TRIM45: variants seen among roughly 807,000 people sequenced by gnomAD.
TRIM45 encodes tripartite motif containing 45.
Under a neutral mutation model 46.7 loss-of-function variants are expected in TRIM45, and 45 were observed. The observed-to-expected ratio is 0.96, with a 90% CI of 0.76 to 1.24. The LOEUF (loss-of-function observed/expected upper bound fraction) is 1.24, where lower values mean the gene tolerates loss of function less well. TRIM45 is among the 50% of genes most tolerant of loss of function. The pLI, the probability that TRIM45 is intolerant of heterozygous loss-of-function variation, is 0.00. For missense variants in TRIM45, 680 were observed against 728.4 expected, an observed-to-expected ratio of 0.93 and a Z score of 0.77; for synonymous variants, 259 against 285.8, an observed-to-expected ratio of 0.91 and a Z score of 0.94.
rs1483252773 is a variant in TRIM45, at chr1:117,115,317, A to C, written c.1467+258T>G. Among the ~76,000 whole-genome samples, 1 of 152,188 alleles carries C rather than the reference A, an allele frequency of 6.6e-6. No individual in the cohort carries two copies. Among genetic ancestry groups the C allele is most frequent in the Non-Finnish European group, 1.5e-5 (1 of 68,024 alleles). ...TCAAGACATCTTCTCCATATTAAGA[A>C]TCCTAAGAAACCAACTGGGAGAATG... is the stretch of plus-strand genomic sequence containing the variant. On this transcript the variant is annotated intron_variant, in intron 4 of 5. Transcript: ENST00000256649. This position sits in a 1 kb window ranked among gnomAD's most constrained non-coding sequence, Gnocchi z 4.2.
At chr1:117,123,053 AAAAAC>A (rs1354457401), upstream of TRIM45, among the ~76,000 whole-genome samples, 1 of 151,956 alleles carries the variant, frequency 6.6e-6, no homozygotes, top group Non-Finnish European at 1.5e-5. Flanking sequence ...AAAAAAAAAA[AAAAAC>A]CATTATAAAA....
In TRIM45 at chr1:117,121,471, T is replaced by C. The variant is rs1650630935; in HGVS notation, c.-270A>G. 2 of 514,024 alleles carry C rather than the reference T, an allele frequency of 3.9e-6. No individual in the cohort carries two copies. Among genetic ancestry groups the C allele is most frequent in the Non-Finnish European group, 6.8e-6 (2 of 293,468 alleles). 31.8% of individuals were successfully genotyped at this position (514,024 alleles called of 1,614,324 possible). ...CTCTGCCCCGCAAGTCCTCCCCGGA[T>C]GCGCTTCCAGGTCTAGCTCTCCAGC... On this transcript the variant is annotated 5_prime_UTR_variant, in exon 1 of 6. Coordinates refer to ENST00000256649, the MANE Select transcript of TRIM45 (RefSeq NM_025188.4). This position sits in a 1 kb window ranked among gnomAD's most constrained non-coding sequence, Gnocchi z 4.2.
At position 117,113,318 on chromosome 1, in the gene TRIM45, C is replaced by T. The variant is rs752386491; in HGVS notation, c.1594+41G>A. 7 of 1,604,978 alleles carry T rather than the reference C, an allele frequency of 4.4e-6. No individual in the cohort carries two copies. In the South Asian group the frequency reaches 6.6e-5, roughly 15 times the overall value. ...GGAAGGGCCCGTCGCTTGATTCCCA[C>T]TGCTGGCAGAAAGGCCCAGAGGGTA... is the stretch of plus-strand genomic sequence containing the variant. On this transcript the variant is annotated intron_variant, in intron 5 of 5. Coordinates refer to ENST00000256649, the MANE Select transcript of TRIM45 (RefSeq NM_025188.4). The surrounding 1 kb of genome is among the most constrained non-coding windows in gnomAD (Gnocchi z 4.0).
Position 117,112,242 on chromosome 1 carries a change from C to A in TRIM45, c.*63G>T. On this transcript the variant is annotated 3_prime_UTR_variant, in exon 6 of 6. Coordinates refer to ENST00000256649, the MANE Select transcript of TRIM45 (RefSeq NM_025188.4). ...CAGTCTCTTTAGAATGAACGAAGGT[C>A]TGGGTCCTCTGGAAATCTCAAGTGG... The A allele has an allele frequency of 6.9e-7, 1 of 1,444,828 alleles. No individual in the cohort carries two copies. The highest frequency in any genetic ancestry group is 9.1e-7 in the Non-Finnish European group (1 of 1,093,296). 89.5% of individuals were successfully genotyped at this position (1,444,828 alleles called of 1,614,324 possible).
At position 117,115,956 on chromosome 1, in the gene TRIM45, T is replaced by C. The variant is rs1238092314; in HGVS notation, c.1353-267A>G. 6.6e-6 allele frequency among the ~76,000 whole-genome samples: 1 copy of C among 152,238 alleles called. No homozygotes were observed. The highest frequency in any genetic ancestry group is 1.5e-5 in the Non-Finnish European group (1 of 68,046). Reference sequence around the variant, plus strand: ...GCTTCTGTTGAACCCTCTTGCTCTGTTGTCCCTCCTCCATTCTACAATTCC... The same window carrying C: ...GCTTCTGTTGAACCCTCTTGCTCTGCTGTCCCTCCTCCATTCTACAATTCC... On this transcript the variant is annotated intron_variant, in intron 3 of 5. Transcript: ENST00000256649. The surrounding 1 kb of genome is among the most constrained non-coding windows in gnomAD (Gnocchi z 4.2).
At position 117,118,416 on chromosome 1, in the gene TRIM45, G is replaced by C; in HGVS notation, c.840C>G (p.Phe280Leu). 3 of 1,614,132 alleles carry C rather than the reference G, an allele frequency of 1.9e-6. No homozygotes were observed. Among genetic ancestry groups the C allele is most frequent in the South Asian group, 2.2e-5 (2 of 91,064 alleles). ...CAATGGCCTTAATGTAGCCCTCCGA[G>C]AATGTCCGGACATCAGCTGCCACTG... is the stretch of plus-strand genomic sequence containing the variant. ...VEAVAADVRT[F>L]SEGYIKAIEE... The change falls in exon 2 of 6, where the codon TTC (phenylalanine) becomes TTG (leucine). Residue 280 changes from phenylalanine to leucine, a missense_variant. Phe to Leu is a conservative substitution (Grantham distance 22). This residue lies in a region of TRIM45 where 9 missense variants were observed against 25.6 expected (regional missense o/e 0.35). Transcript: ENST00000256649. This position sits in a 1 kb window ranked among gnomAD's most constrained non-coding sequence, Gnocchi z 5.7.
Position 117,118,097 on chromosome 1 carries a change from C to A in TRIM45, c.1159G>T (p.Glu387Ter), listed in dbSNP as rs928331122. 1.2e-6 allele frequency: 2 copies of A among 1,614,072 alleles called. No homozygotes were observed. The highest frequency in any genetic ancestry group is 2.7e-5 in the African/African-American group (2 of 74,932). ...QEKAGQCRGY[E>*]IYGTINTKEV... The stretch of plus-strand genomic sequence containing the variant: ...TTGGTATTAATCGTACCATAAATTT[C>A]ATAGCCACGGCACTGGCCTGCTTTC... Residue 387 changes from glutamate to a stop codon, truncating the protein, a stop_gained, in exon 2 of 6, where the codon GAA becomes TAA. Transcript: ENST00000256649. LOFTEE classifies it high-confidence loss of function. The surrounding 1 kb of genome is among the most constrained non-coding windows in gnomAD (Gnocchi z 5.7).
At position 117,117,934 on chromosome 1, in the gene TRIM45, G is replaced by C. The variant is rs1385760240; in HGVS notation, c.1222+100C>G. Reference sequence around the variant, plus strand: ...TTTATCTCCCCACCTTTGGTAACCTGGTCAGTAGGGCATGCTTCCTAGCAG... The same window carrying C: ...TTTATCTCCCCACCTTTGGTAACCTCGTCAGTAGGGCATGCTTCCTAGCAG... On this transcript the variant is annotated intron_variant, in intron 2 of 5. Coordinates refer to ENST00000256649, the MANE Select transcript of TRIM45 (RefSeq NM_025188.4). This position sits in a 1 kb window ranked among gnomAD's most constrained non-coding sequence, Gnocchi z 4.9. The C allele has an allele frequency of 2.1e-6, 3 of 1,454,770 alleles. No individual in the cohort carries two copies. The highest frequency in any genetic ancestry group is 2.0e-5 in the Admixed American group (1 of 49,220). The allele number at this position is 1,454,770 out of a possible 1,614,324, so 90.1% of individuals were successfully genotyped here.
rs766248177 is a variant in TRIM45, at chr1:117,118,312, G to A, written c.944C>T (p.Ala315Val). The change falls in exon 2 of 6, where the codon GCC becomes GTC. Residue 315 changes from alanine to valine, a missense_variant. Physicochemically the swap from Ala to Val is moderately conservative, Grantham distance 64. Coordinates refer to ENST00000256649, the MANE Select transcript of TRIM45 (RefSeq NM_025188.4). The surrounding 1 kb of genome is among the most constrained non-coding windows in gnomAD (Gnocchi z 5.7). Reference sequence around the variant, plus strand: ...GTCTGCCAGTAACTGTTCCAGCTGGGCCTTCTGCAGCTGCAGGGAATTTTC... The same window carrying A: ...GTCTGCCAGTAACTGTTCCAGCTGGACCTTCTGCAGCTGCAGGGAATTTTC... ...QKENSLQLQK[A>V]QLEQLLADMR... is the part of the protein sequence containing the mutation. 10 of 1,614,150 alleles carry A rather than the reference G, an allele frequency of 6.2e-6. No homozygotes were observed. Among genetic ancestry groups the A allele is most frequent in the South Asian group, 1.1e-5 (1 of 91,082 alleles).
rs79788159 is a variant in TRIM45, at chr1:117,115,453, T to C, written c.1467+122A>G. The stretch of plus-strand genomic sequence containing the variant: ...AGCAAAATCTGGGCTGTTTCTAAAG[T>C]GAAGAAGAAGACATGGGGATTCTAT... On this transcript the variant is annotated intron_variant, in intron 4 of 5. Coordinates refer to ENST00000256649, the MANE Select transcript of TRIM45 (RefSeq NM_025188.4). This position sits in a 1 kb window ranked among gnomAD's most constrained non-coding sequence, Gnocchi z 4.2. 18,724 of 713,966 alleles carry C rather than the reference T, an allele frequency of 0.026. 323 individuals are homozygous for C. The highest frequency in any genetic ancestry group is 0.036 in the Non-Finnish European group (14,827 of 417,436). The allele number at this position is 713,966 out of a possible 1,614,324, so 44.2% of individuals were successfully genotyped here. A position where few individuals can be genotyped will look rare whatever the true frequency, so the allele number is the denominator to read the frequency against.
Position 117,118,007 on chromosome 1 carries a change from C to A in TRIM45, c.1222+27G>T. 2 of 1,595,960 alleles carry A rather than the reference C, an allele frequency of 1.3e-6. No individual in the cohort carries two copies. Among genetic ancestry groups the A allele is most frequent in the South Asian group, 1.2e-5 (1 of 86,922 alleles). ...ACCACCTCCCTGTCCACTGCCCTCT[C>A]AATGTCAATGGGAAATGCCTTCCTA... is the stretch of plus-strand genomic sequence containing the variant. On this transcript the variant is annotated intron_variant, in intron 2 of 5. Coordinates refer to ENST00000256649, the MANE Select transcript of TRIM45 (RefSeq NM_025188.4). The surrounding 1 kb of genome is among the most constrained non-coding windows in gnomAD (Gnocchi z 5.7).
rs757113126 is a variant in TRIM45 at position 117,118,099 on chromosome 1, T to C, written c.1157A>G (p.Tyr386Cys). Residue 386 changes from tyrosine (Y) to cysteine (C), a missense_variant, in exon 2 of 6, where the codon TAT becomes TGT. Physicochemically the swap from Tyr to Cys is radical, Grantham distance 194 (BLOSUM62 -2). This residue lies in a region of TRIM45 where 322 missense variants were observed against 359.3 expected (regional missense o/e 0.90). Coordinates refer to ENST00000256649, the MANE Select transcript of TRIM45 (RefSeq NM_025188.4). This position sits in a 1 kb window ranked among gnomAD's most constrained non-coding sequence, Gnocchi z 5.7. ...GGTATTAATCGTACCATAAATTTCA[T>C]AGCCACGGCACTGGCCTGCTTTCTC... ...PQEKAGQCRG[Y>C]EIYGTINTKE... 1.9e-6 allele frequency: 3 copies of C among 1,614,232 alleles called. No homozygotes were observed. Among genetic ancestry groups the C allele is most frequent in the East Asian group, 2.2e-5 (1 of 44,878 alleles).
chr1:117,112,559 G>T, intron 5 of TRIM45, 106 bp from the exon 6 acceptor site: 2 of 1,125,552 alleles, frequency 1.8e-6, no homozygotes, highest in Non-Finnish European at 2.5e-6. Flanking sequence ...AGATTCATGG[G>T]AGTGAAAATA....
chr1:117,111,192 T>C lies in TRIM45; in HGVS notation c.*1113A>G, dbSNP rs1650195707. On this transcript the variant is annotated 3_prime_UTR_variant, in exon 6 of 6. Transcript: ENST00000256649. The stretch of plus-strand genomic sequence containing the variant: ...CTGTGTACATCCTCTCCCCAAATTC[T>C]CCAGCAGCTAAGAAGGCACACTATG... The C allele has an allele frequency of 6.6e-6, 1 of 152,190 alleles. No individual in the cohort carries two copies. Among genetic ancestry groups the C allele is most frequent in the Admixed American group, 6.5e-5 (1 of 15,272 alleles). 9.4% of individuals were successfully genotyped at this position (152,190 alleles called of 1,614,324 possible). A position where few individuals can be genotyped will look rare whatever the true frequency, so the allele number is the denominator to read the frequency against.
In TRIM45 at chr1:117,115,721, A is replaced by G. The variant is rs1370868265; in HGVS notation, c.1353-32T>C. ...GGAGATAAGAGTCAAAACACCACTC[A>G]CTTCCACAAGCTGGCTTCAGTTGCT... On this transcript the variant is annotated intron_variant, in intron 3 of 5. Coordinates refer to ENST00000256649, the MANE Select transcript of TRIM45 (RefSeq NM_025188.4). This position sits in a 1 kb window ranked among gnomAD's most constrained non-coding sequence, Gnocchi z 4.2. The G allele has an allele frequency of 6.7e-7, 1 of 1,486,732 alleles. No homozygotes were observed. The highest frequency in any genetic ancestry group is 2.3e-5 in the East Asian group (1 of 44,242). 92.1% of individuals were successfully genotyped at this position (1,486,732 alleles called of 1,614,324 possible). A position where few individuals can be genotyped will look rare whatever the true frequency, so the allele number is the denominator to read the frequency against.
chr1:117,122,095 G>A (rs1650672124), upstream of TRIM45: 5 of 372,562 alleles, frequency 1.3e-5, no homozygotes, highest in Non-Finnish European at 1.4e-5. Context: ...CGCTGATTTG[G>A]CGCCGGGACG....
Position 117,115,810 on chromosome 1 carries a change from G to T in TRIM45, c.1353-121C>A. ...TATTAATGTTAAATATACCCAAACA[G>T]GATGCTTCTTCCATTTGCTTCAGAA... is the stretch of plus-strand genomic sequence containing the variant. On this transcript the variant is annotated intron_variant, in intron 3 of 5. Coordinates refer to ENST00000256649, the MANE Select transcript of TRIM45 (RefSeq NM_025188.4). The surrounding 1 kb of genome is among the most constrained non-coding windows in gnomAD (Gnocchi z 4.2). 3 of 636,148 alleles carry T rather than the reference G, an allele frequency of 4.7e-6. No individual in the cohort carries two copies. Among genetic ancestry groups the T allele is most frequent in the East Asian group, 2.8e-5 (1 of 35,630 alleles). 39.4% of individuals were successfully genotyped at this position (636,148 alleles called of 1,614,324 possible). A position where few individuals can be genotyped will look rare whatever the true frequency, so the allele number is the denominator to read the frequency against.
At chr1:117,112,852 GC>G (rs1179229708) in intron 5 of TRIM45, among the ~76,000 whole-genome samples, 6 of 151,994 alleles carry the variant, frequency 3.9e-5, no homozygotes, top group Non-Finnish European at 8.8e-5. Flanking sequence ...GGATGCAAAA[GC>G]CCATTTTATG....
chr1:117,117,512 A>AC lies in TRIM45; in HGVS notation c.1222+521dup, dbSNP rs1557847087. Among the ~76,000 whole-genome samples, 1 of 152,214 alleles carries AC rather than the reference A, an allele frequency of 6.6e-6. No individual in the cohort carries two copies. Among genetic ancestry groups the AC allele is most frequent in the Admixed American group, 6.5e-5 (1 of 15,280 alleles). The stretch of plus-strand genomic sequence containing the variant: ...AGAAAGGGAACACTCGTTAAAAAAA[A>AC]CCATTTTTTCCCCCAATTAAATGAA... On this transcript the variant is annotated intron_variant, in intron 2 of 5. Transcript: ENST00000256649. This position sits in a 1 kb window ranked among gnomAD's most constrained non-coding sequence, Gnocchi z 4.9.
Sources: allele counts gnomAD v4.1 joint callset (sites outside exome capture counted in the v4.1 genomes callset), GRCh38; gene constraint gnomAD v4.1.1; regional missense constraint gnomAD v4.1.1; non-coding constraint Gnocchi (gnomAD v3.1); transcripts MANE v1.5; gene names NCBI Gene and HGNC (gene_info 2026-07-23, HGNC 2026-07-21).